HSPA12A: variants seen among roughly 807,000 people sequenced by gnomAD.
HSPA12A encodes the protein heat shock protein family A (Hsp70) member 12A.
A neutral mutation model predicts 69.2 loss-of-function variants in HSPA12A; 28 were observed. That is an observed-to-expected ratio of 0.40 (90% CI 0.30 to 0.55). The LOEUF is 0.55. Among genes scored for constraint, HSPA12A ranks in the 20% least tolerant of loss-of-function variants. The probability of loss-of-function intolerance (pLI) is 0.38; values close to 1 mark genes in which losing one functional copy is unlikely to be tolerated. For missense variants in HSPA12A, 686 were observed against 900.7 expected (o/e 0.76, Z 3.05); for synonymous variants, 345 against 370.5 (o/e 0.93, Z 0.79).
At chr10:116,849,800 C>G, upstream of HSPA12A, 1 of 1,439,024 alleles carries the variant, frequency 6.9e-7, no homozygotes, top group Non-Finnish European at 9.3e-7. Flanking sequence ...GCGGCAACGC[C>G]TTGCGCCTGC....
chr10:116,737,607 A>G (rs1195514327), intron 1 of HSPA12A, among the ~76,000 whole-genome samples: 2 of 152,204 alleles, frequency 1.3e-5, no homozygotes, highest in African/African-American at 4.8e-5. Context: ...AAGAGGCATA[A>G]ACTAGAACTA....
chr10:116,740,722 G>T (rs553137367), intron 1 of HSPA12A, among the ~76,000 whole-genome samples: 2 of 149,516 alleles, frequency 1.3e-5, no homozygotes, highest in South Asian at 2.1e-4. Flanking sequence ...TAGGATAGGG[G>T]TGCTGAATTT....
chr10:116,791,128 C>T (rs1844693203), intron 2 of HSPA12A, among the ~76,000 whole-genome samples: 1 of 152,234 alleles, frequency 6.6e-6, no homozygotes, highest in Admixed American at 6.5e-5. Context: ...GTGTCCCCAA[C>T]ACCCAGGACA....
chr10:116,820,559 A>G (rs1845393649), intron 2 of HSPA12A, among the ~76,000 whole-genome samples: 1 of 152,038 alleles, frequency 6.6e-6, no homozygotes, highest in Admixed American at 6.6e-5. Context: ...CCAGGACACC[A>G]CATCCTCCTG....
chr10:116,706,139 C>T (rs2132982421), intron 2 of HSPA12A, among the ~76,000 whole-genome samples: 1 of 151,916 alleles, frequency 6.6e-6, no homozygotes, highest in South Asian at 2.1e-4. Context: ...TCGTGATCTG[C>T]CCACCTCAGC....
intron 2 of HSPA12A, among the ~76,000 whole-genome samples, chr10:116,779,653 G>C (rs1478837582): frequency 1.3e-5 from 2 of 152,130 alleles, no homozygotes; most frequent in Non-Finnish European, 2.9e-5. Flanking sequence ...GGAATCTGGG[G>C]GTCATTTGCT....
In HSPA12A at chr10:116,723,113, C is replaced by T. The variant is rs1554884596; in HGVS notation, c.41-15828G>A. ...CACAACCACCACCATCATCATGTCA[C>T]TCCCAGCCTCAAGCACCTACTGTAG... On this transcript the variant is annotated intron_variant, in intron 1 of 11. Coordinates refer to ENST00000369209, the MANE Select transcript of HSPA12A (RefSeq NM_025015.3). This position sits in a 1 kb window ranked among gnomAD's most constrained non-coding sequence, Gnocchi z 4.1. 6.6e-6 allele frequency among the ~76,000 whole-genome samples: 1 copy of T among 152,174 alleles called. No individual in the cohort carries two copies. The highest frequency in any genetic ancestry group is 2.4e-5 in the African/African-American group (1 of 41,428).
chr10:116,746,224 C>A (rs561635908), upstream of HSPA12A, among the ~76,000 whole-genome samples: 1 of 152,144 alleles, frequency 6.6e-6, no homozygotes, highest in Non-Finnish European at 1.5e-5. Flanking sequence ...CACATCCATT[C>A]ATGCAAATAG....
At chr10:116,848,114 C>T (rs995435761) in intron 1 of HSPA12A, among the ~76,000 whole-genome samples, 3 of 152,220 alleles carry the variant, frequency 2.0e-5, no homozygotes, top group Non-Finnish European at 4.4e-5. Context: ...CATAAGGGTT[C>T]ACTCAACACC....
rs34843566 is a variant in HSPA12A, at chr10:116,734,448, T to TA, written c.40+7981dup. Among the ~76,000 whole-genome samples, 491 of 101,350 alleles carry TA rather than the reference T, an allele frequency of 4.8e-3. 2 individuals are homozygous for TA. The highest frequency in any genetic ancestry group is 0.014 in the African/African-American group (348 of 24,794). The allele number at this position is 101,350 out of a possible 152,430, so 66.5% of individuals were successfully genotyped here. ...TTGGGCAATAGAGCGAGACTCTGTC[T>TA]AAAAAAAAAAAAAAAAAAAGCAAAA... On this transcript the variant is annotated intron_variant, in intron 1 of 11. Transcript: ENST00000369209.
At position 116,742,452 on chromosome 10, in the gene HSPA12A, G is replaced by C; in HGVS notation, c.18C>G (p.Ala6=). The change falls in exon 1 of 12, where the codon GCC becomes GCG. Residue 6 remains alanine, a synonymous_variant. Coordinates refer to ENST00000369209, the MANE Select transcript of HSPA12A (RefSeq NM_025015.3). The part of the protein sequence containing the change: MADKE[A]GGSDGPRETA... ...CACCTCGGGGCCCGTCGCTGCCGCC[G>C]GCCTCCTTGTCCGCCATGGTCGCGC... The C allele has an allele frequency of 7.1e-7, 1 of 1,404,788 alleles. No individual in the cohort carries two copies. The highest frequency in any genetic ancestry group is 9.3e-7 in the Non-Finnish European group (1 of 1,077,580). The allele number at this position is 1,404,788 out of a possible 1,614,324, so 87.0% of individuals were successfully genotyped here.
chr10:116,802,095 C>T (rs1844970053), intron 2 of HSPA12A, among the ~76,000 whole-genome samples: 1 of 152,184 alleles, frequency 6.6e-6, no homozygotes. Flanking sequence ...CAGCATCCAC[C>T]AAAATGTAAA....
intron 2 of HSPA12A, among the ~76,000 whole-genome samples, chr10:116,796,883 CA>C (rs869151932): frequency 1.3e-5 from 2 of 152,054 alleles, no homozygotes; most frequent in African/African-American, 4.8e-5. Context: ...TGCAATCTGT[CA>C]TTTCCAAACC....
At chr10:116,758,274 C>T (rs780770666) in intron 2 of HSPA12A, among the ~76,000 whole-genome samples, 10 of 152,288 alleles carry the variant, frequency 6.6e-5, no homozygotes, top group Non-Finnish European at 1.3e-4. Context: ...ACCCTTGCCC[C>T]ACACTCATTC....
chr10:116,778,490 C>T (rs1207852155), intron 2 of HSPA12A, among the ~76,000 whole-genome samples: 1 of 152,180 alleles, frequency 6.6e-6, no homozygotes, highest in African/African-American at 2.4e-5. Flanking sequence ...GAGAGAACCA[C>T]ATTGCTCCTG....
chr10:116,742,096 G>A (rs1373510405), intron 1 of HSPA12A, among the ~76,000 whole-genome samples: 1 of 151,818 alleles, frequency 6.6e-6, no homozygotes, highest in Non-Finnish European at 1.5e-5. Context: ...GCACACGCGG[G>A]GCGGTCCTCA....
At chr10:116,740,676 CTGTGTGTG>C (rs58266278) in intron 1 of HSPA12A, among the ~76,000 whole-genome samples, 129 of 92,230 alleles carry the variant, frequency 1.4e-3, no homozygotes, top group African/African-American at 5.2e-3. Context: ...GTGTGTGTGT[CTGTGTGTG>C]TGTGTGTGTG....
chr10:116,765,857 T>C (rs571532984), intron 2 of HSPA12A, among the ~76,000 whole-genome samples: 3 of 152,342 alleles, frequency 2.0e-5, no homozygotes, highest in Admixed American at 2.0e-4. Flanking sequence ...ACATATTCTT[T>C]CCACTTTTTG....
chr10:116,705,000 G>C, intron 3 of HSPA12A, 151 bp downstream of exon 3: 1 of 851,432 alleles, frequency 1.2e-6, no homozygotes, highest in Admixed American at 2.5e-5. Context: ...ATCAGAAATG[G>C]CTTGTCCCCA....
Sources: allele counts gnomAD v4.1 joint callset (sites outside exome capture counted in the v4.1 genomes callset), GRCh38; gene constraint gnomAD v4.1.1; non-coding constraint Gnocchi (gnomAD v3.1); transcripts MANE v1.5; gene names NCBI Gene and HGNC (gene_info 2026-07-23, HGNC 2026-07-21).